MYRIP: variants seen among roughly 807,000 people sequenced by gnomAD.
MYRIP encodes rab effector MyRIP.
In MYRIP, 49 loss-of-function variants were observed where a neutral mutation model predicts 98.0. That is an observed-to-expected ratio of 0.50 (90% confidence interval 0.40 to 0.63). The LOEUF is 0.63. Ranked by LOEUF, MYRIP falls within the 30% of genes least tolerant of loss-of-function variation. The pLI, the probability that MYRIP is intolerant of heterozygous loss-of-function variation, is 0.00. For synonymous variants in MYRIP, 404 were observed against 409.5 expected, an observed-to-expected ratio of 0.99 and a Z score of 0.16; for missense variants, 1,004 against 1,058.2, an observed-to-expected ratio of 0.95 and a Z score of 0.71.
intron 2 of MYRIP, among the ~76,000 whole-genome samples, chr3:39,922,011 A>G (rs1404200785): frequency 6.6e-6 from 1 of 152,152 alleles, no homozygotes; most frequent in African/African-American, 2.4e-5. Flanking sequence ...ACCATATCTA[A>G]GACAAACATA....
chr3:40,166,749 T>C, intron 5 of MYRIP, 97 bp from the exon 6 acceptor site: 1 of 833,778 alleles, frequency 1.2e-6, no homozygotes, highest in Non-Finnish European at 2.0e-6. Context: ...TTAGAACTTA[T>C]CCCAGAGCCC....
chr3:39,892,834 A>ATAAC (rs767014240), intron 1 of MYRIP, among the ~76,000 whole-genome samples: 36 of 152,356 alleles, frequency 2.4e-4, no homozygotes, highest in Non-Finnish European at 4.3e-4. Flanking sequence ...GAGGGCATAG[A>ATAAC]TAACTTTCTG....
chr3:40,021,170 C>T (rs1327575072), intron 2 of MYRIP, among the ~76,000 whole-genome samples: 1 of 152,108 alleles, frequency 6.6e-6, no homozygotes, highest in Non-Finnish European at 1.5e-5. Flanking sequence ...TTTTAAGATG[C>T]TTTTAAAAAA....
At chr3:40,085,039 A>G (rs1239064376) in intron 3 of MYRIP, among the ~76,000 whole-genome samples, 1 of 151,290 alleles carries the variant, frequency 6.6e-6, no homozygotes, top group African/African-American at 2.4e-5. Context: ...TGTGTTATAT[A>G]TCGATAGATA....
chr3:40,192,308 T>A (rs1383013810), intron 10 of MYRIP, among the ~76,000 whole-genome samples: 1 of 43,286 alleles, frequency 2.3e-5, no homozygotes, highest in African/African-American at 4.8e-5. Flanking sequence ...TTAGTTTTCT[T>A]CATATATATA....
intron 10 of MYRIP, among the ~76,000 whole-genome samples, chr3:40,190,822 A>T (rs1162429665): frequency 6.6e-6 from 1 of 152,182 alleles, no homozygotes; most frequent in Admixed American, 6.5e-5. Flanking sequence ...CTGTGCACTC[A>T]AGTTTGAGGG....
At chr3:40,176,908 C>CA (rs143992737) in intron 8 of MYRIP, among the ~76,000 whole-genome samples, 64,652 of 108,872 alleles carry the variant, frequency 0.59, 20,425 homozygotes, top group East Asian at 0.81. Flanking sequence ...AACTCCATCT[C>CA]AAAAAAAAAA....
At chr3:40,197,728 A>C (rs1053584145) in intron 10 of MYRIP, among the ~76,000 whole-genome samples, 1 of 152,214 alleles carries the variant, frequency 6.6e-6, no homozygotes, top group Non-Finnish European at 1.5e-5. Context: ...CAAAACTGCT[A>C]TCAGACACTG....
chr3:39,875,652 T>G (rs1301840956), intron 1 of MYRIP, among the ~76,000 whole-genome samples: 25 of 151,666 alleles, frequency 1.6e-4, no homozygotes, highest in African/African-American at 5.6e-4. Flanking sequence ...TGAGCAGTTT[T>G]GAGTGAGTTT....
At chr3:39,936,434 G>A (rs1165010504) in intron 2 of MYRIP, among the ~76,000 whole-genome samples, 1 of 152,140 alleles carries the variant, frequency 6.6e-6, no homozygotes, top group Non-Finnish European at 1.5e-5. Flanking sequence ...TGGGAGAAGG[G>A]ACCACGAAGG....
chr3:39,922,022 A>G (rs1035362464), intron 2 of MYRIP, among the ~76,000 whole-genome samples: 1 of 152,166 alleles, frequency 6.6e-6, no homozygotes, highest in African/African-American at 2.4e-5. Context: ...GACAAACATA[A>G]TAAGAGGACT....
Position 40,206,678 on chromosome 3 carries a change from C to A in MYRIP, c.1666-3176C>A, listed in dbSNP as rs116569442. 3.8e-3 allele frequency among the ~76,000 whole-genome samples: 581 copies of A among 152,304 alleles called. 1 individual carries two copies. Among genetic ancestry groups the A allele is most frequent in the African/African-American group, 0.013 (555 of 41,576 alleles). On this transcript the variant is annotated intron_variant, in intron 10 of 16. Coordinates refer to ENST00000302541, the MANE Select transcript of MYRIP (RefSeq NM_015460.4). ...GTCTGGTTCAATGTTCCTCTCTCCA[C>A]CACACCGTCAACTCCAGTAGGGCAG...
At chr3:40,223,893 T>C (rs575744574) in intron 11 of MYRIP, among the ~76,000 whole-genome samples, 2 of 152,262 alleles carry the variant, frequency 1.3e-5, no homozygotes, top group South Asian at 2.1e-4. Context: ...GAAGATGACG[T>C]AGGGCAGAGG....
At chr3:40,242,275 A>C (rs1353028565) in intron 12 of MYRIP, 2 of 152,290 alleles carry the variant, frequency 1.3e-5, no homozygotes, top group East Asian at 3.8e-4. Context: ...CATCATCATC[A>C]TCATCATCCC....
chr3:40,124,598 G>A (rs1370340082), intron 3 of MYRIP, among the ~76,000 whole-genome samples: 1 of 152,184 alleles, frequency 6.6e-6, no homozygotes, highest in Non-Finnish European at 1.5e-5. Flanking sequence ...TCTATTTGAG[G>A]CTTCTTAGGG....
At position 40,089,130 on chromosome 3, in the gene MYRIP, C is replaced by G. The variant is rs148356772; in HGVS notation, c.332+44859C>G. ...TGCATGGATGTGAGGGCCTGGGATCCCTCTGGTGTACAGCACACCTAGGAC... is the reference window on the plus strand; with the variant it reads ...TGCATGGATGTGAGGGCCTGGGATCGCTCTGGTGTACAGCACACCTAGGAC... On this transcript the variant is annotated intron_variant, in intron 3 of 16. Transcript: ENST00000302541. Among the ~76,000 whole-genome samples the G allele has an allele frequency of 1.1e-4, 17 of 152,186 alleles. No homozygotes were observed. The East Asian group carries it at 3.3e-3, about 29-fold the overall frequency.
intron 3 of MYRIP, among the ~76,000 whole-genome samples, chr3:40,145,455 G>A (rs1949988052): frequency 6.6e-6 from 1 of 152,146 alleles, no homozygotes; most frequent in Non-Finnish European, 1.5e-5. Context: ...CACCAAACCA[G>A]GGGGAGAAGA....
intron 4 of MYRIP, among the ~76,000 whole-genome samples, chr3:40,155,965 T>G (rs1210379635): frequency 6.6e-6 from 1 of 152,148 alleles, no homozygotes; most frequent in African/African-American, 2.4e-5. Flanking sequence ...TGATGGTAGT[T>G]TCTTTTGCTG....
At chr3:40,185,885 C>A (rs1338306735) in intron 9 of MYRIP, among the ~76,000 whole-genome samples, 4 of 152,036 alleles carry the variant, frequency 2.6e-5, no homozygotes, top group Non-Finnish European at 5.9e-5. Context: ...CCCCGTCGCC[C>A]CTATAGCCTT....
Sources: gnomAD v4.1 joint callset for allele counts (sites outside exome capture counted in the v4.1 genomes callset) on GRCh38, gnomAD v4.1.1 for gene constraint, MANE v1.5 for transcripts, NCBI Gene and HGNC (gene_info 2026-07-23, HGNC 2026-07-21) for gene names.